The following GALNT13 variants were observed in gnomAD, a reference collection of about 807,000 sequenced individuals.
GALNT13 encodes the protein UDP-GalNAc:polypeptide N-acetylgalactosaminyltransferase 13.
In GALNT13, 28 loss-of-function variants were observed where a neutral mutation model predicts 64.2. The observed-to-expected ratio is 0.44, with a 90% CI of 0.32 to 0.60. GALNT13 has a LOEUF of 0.60. GALNT13 is among the 20% of genes least tolerant of loss of function. The probability of loss-of-function intolerance (pLI) is 0.05; values close to 1 mark genes in which losing one functional copy is unlikely to be tolerated. For synonymous variants in GALNT13, 214 were observed against 224.6 expected (o/e 0.95, Z 0.42); for missense variants, 577 against 669.8 (o/e 0.86, Z 1.53).
intron 9 of GALNT13, among the ~76,000 whole-genome samples, chr2:154,329,134 C>T (rs1468658475): frequency 6.6e-6 from 1 of 152,088 alleles, no homozygotes; most frequent in African/African-American, 2.4e-5. Flanking sequence ...TGAGATGAAT[C>T]TAGCTCTGTC....
chr2:153,262,152 C>T, the GALNT13 span, among the ~76,000 whole-genome samples: 1 of 152,162 alleles, frequency 6.6e-6, no homozygotes, highest in East Asian at 1.9e-4. Context: ...ATAGCCACCA[C>T]AGTTGATAAT....
intron 3 of GALNT13, among the ~76,000 whole-genome samples, chr2:154,064,026 A>G (rs560589392): frequency 6.6e-6 from 1 of 152,318 alleles, no homozygotes; most frequent in East Asian, 1.9e-4. Flanking sequence ...CTCTACCCCT[A>G]TCTGCTGGCA....
In GALNT13 at chr2:154,405,443, A is replaced by G. The variant is rs1171586827; in HGVS notation, c.1297-3541A>G. Among the ~76,000 whole-genome samples the G allele has an allele frequency of 3.3e-5, 5 of 152,082 alleles. No homozygotes were observed. The East Asian group carries it at 7.7e-4, about 23-fold the overall frequency. On this transcript the variant is annotated intron_variant, in intron 10 of 12. Transcript: ENST00000392825. Reference sequence around the variant, plus strand: ...TCCTAAAGAGAAAAACCAATGAAATAAAATGAACATTAATAACTATAGGCA... The same window carrying G: ...TCCTAAAGAGAAAAACCAATGAAATGAAATGAACATTAATAACTATAGGCA...
At chr2:153,078,768 G>A in the GALNT13 span, among the ~76,000 whole-genome samples, 1 of 152,060 alleles carries the variant, frequency 6.6e-6, no homozygotes, top group Non-Finnish European at 1.5e-5. Context: ...ATTACTTTCA[G>A]AAAATGTTCA....
chr2:154,305,406 C>G (rs142866788), intron 9 of GALNT13, among the ~76,000 whole-genome samples: 32 of 152,134 alleles, frequency 2.1e-4, no homozygotes, highest in African/African-American at 7.2e-4. Flanking sequence ...CACACACACA[C>G]GCGTATTTAT....
intron 4 of GALNT13, among the ~76,000 whole-genome samples, chr2:154,199,347 CA>C (rs1383252228): frequency 3.3e-5 from 5 of 151,766 alleles, no homozygotes; most frequent in Admixed American, 2.6e-4. Flanking sequence ...AAATATGCTG[CA>C]AAAAATGTTT....
chr2:153,922,272 G>A (rs1481443030), intron 2 of GALNT13, among the ~76,000 whole-genome samples: 1 of 152,064 alleles, frequency 6.6e-6, no homozygotes, highest in Non-Finnish European at 1.5e-5. Context: ...TAATAGATAA[G>A]ATACTTTGAA....
intron 4 of GALNT13, among the ~76,000 whole-genome samples, chr2:154,201,691 C>G (rs1687179771): frequency 6.6e-6 from 1 of 152,036 alleles, no homozygotes; most frequent in Non-Finnish European, 1.5e-5. Context: ...CTTCCTTTAT[C>G]TTCATTTTGT....
the GALNT13 span, among the ~76,000 whole-genome samples, chr2:153,277,064 T>G: frequency 6.6e-6 from 1 of 152,186 alleles, no homozygotes; most frequent in South Asian, 2.1e-4. Flanking sequence ...ATTTTAAGTT[T>G]TATTTTTGAT....
intron 4 of GALNT13, among the ~76,000 whole-genome samples, chr2:154,180,666 T>C (rs976681197): frequency 6.6e-6 from 1 of 152,146 alleles, no homozygotes; most frequent in East Asian, 1.9e-4. Flanking sequence ...TCTCACCTTC[T>C]TTTTCTAAAT....
At chr2:154,437,486 A>C in intron 11 of GALNT13, 2 of 1,208,852 alleles carry the variant, frequency 1.7e-6, no homozygotes, top group South Asian at 2.8e-5. Flanking sequence ...TGCAAGGAGA[A>C]AGAAAAACCC....
the GALNT13 span, among the ~76,000 whole-genome samples, chr2:153,149,253 G>T: frequency 5.3e-5 from 8 of 151,964 alleles, no homozygotes; most frequent in South Asian, 1.7e-3. Flanking sequence ...AGGGGCTCAG[G>T]TTAGAAGACG....
At chr2:153,588,739 C>G in the GALNT13 span, among the ~76,000 whole-genome samples, 79 of 152,330 alleles carry the variant, frequency 5.2e-4, no homozygotes, top group African/African-American at 1.8e-3. Flanking sequence ...AATTTCTCCT[C>G]AGAAAATAGG....
the GALNT13 span, among the ~76,000 whole-genome samples, chr2:153,801,766 A>G: frequency 1.3e-5 from 2 of 152,300 alleles, no homozygotes; most frequent in East Asian, 3.9e-4. Flanking sequence ...GGTTGCCACA[A>G]ACTGTCAATT....
intron 3 of GALNT13, among the ~76,000 whole-genome samples, chr2:154,032,744 G>C (rs1698416092): frequency 6.6e-6 from 1 of 151,014 alleles, no homozygotes; most frequent in African/African-American, 2.4e-5. Flanking sequence ...AAAATAGGAA[G>C]ATAATTCGTT....
At chr2:154,140,300 G>T (rs765763690) in intron 3 of GALNT13, 37 bp from the exon 4 acceptor site, 5 of 1,517,678 alleles carry the variant, frequency 3.3e-6, no homozygotes, top group Non-Finnish European at 4.6e-6. Context: ...TTATCTGTGT[G>T]TTTGTATGTA....
chr2:153,335,114 A>G, the GALNT13 span, among the ~76,000 whole-genome samples: 2 of 152,108 alleles, frequency 1.3e-5, no homozygotes, highest in Non-Finnish European at 2.9e-5. Flanking sequence ...GCCTCCCACC[A>G]TGATTCTGAG....
the GALNT13 span, among the ~76,000 whole-genome samples, chr2:153,723,528 A>G: frequency 6.6e-6 from 1 of 150,666 alleles, no homozygotes. Context: ...CTGTTTGCAG[A>G]CGACATGATT....
chr2:153,359,553 C>T, the GALNT13 span, among the ~76,000 whole-genome samples: 6 of 134,824 alleles, frequency 4.5e-5, no homozygotes, highest in South Asian at 4.6e-4. Context: ...TAAAGAGAGA[C>T]GGTGCCTACA....
Sources: allele counts gnomAD v4.1 joint callset (sites outside exome capture counted in the v4.1 genomes callset), GRCh38; gene constraint gnomAD v4.1.1; transcripts MANE v1.5; gene names NCBI Gene and HGNC (gene_info 2026-07-23, HGNC 2026-07-21).